Variants in ETV5 observed in about 807,000 individuals in gnomAD.
ETV5 encodes ETS translocation variant 5.
Under a neutral mutation model 70.0 loss-of-function variants are expected in ETV5, and 10 were observed. The observed-to-expected ratio is 0.14, with a 90% confidence interval of 0.09 to 0.24. The LOEUF (loss-of-function observed/expected upper bound fraction) is 0.24. Among genes scored for constraint, ETV5 ranks in the 10% least tolerant of loss-of-function variants. ETV5 has a pLI of 1.00. For synonymous variants in ETV5, 216 were observed against 242.2 expected (o/e 0.89, Z 1.01); for missense variants, 453 against 651.2 (o/e 0.70, Z 3.31).
Position 186,052,184 on chromosome 3 carries a change from G to A in ETV5, c.1210-53C>T. ...TGGAAACGCATTCCCTGGGCCCCAT[G>A]TTCTCTCCCAATCCCAGCAGAGCCA... On this transcript the variant is annotated intron_variant, in intron 11 of 12. Coordinates refer to ENST00000306376, the MANE Select transcript of ETV5 (RefSeq NM_004454.3). The surrounding 1 kb of genome is among the most constrained non-coding windows in gnomAD (Gnocchi z 4.5). The A allele has an allele frequency of 3.9e-6, 6 of 1,551,174 alleles. No homozygotes were observed. The highest frequency in any genetic ancestry group is 5.3e-6 in the Non-Finnish European group (6 of 1,124,428).
intron 5 of ETV5, among the ~76,000 whole-genome samples, chr3:186,096,177 G>A (rs1220653695): frequency 6.6e-6 from 1 of 152,142 alleles, no homozygotes; most frequent in East Asian, 1.9e-4. Context: ...AAAATGAAGA[G>A]GGAGTTGAGG....
rs1712938410 is a variant in ETV5, at chr3:186,048,605, G to C, written c.*34C>G. On this transcript the variant is annotated 3_prime_UTR_variant, in exon 13 of 13. Transcript: ENST00000306376. ...TTGTTTGCCTGAATGGGAACTGCTA[G>C]CTCTAGGGTTTGGCCACTCCGCCAC... 3 of 1,583,864 alleles carry C rather than the reference G, an allele frequency of 1.9e-6. No individual in the cohort carries two copies. Among genetic ancestry groups the C allele is most frequent in the South Asian group, 1.1e-5 (1 of 90,422 alleles).
At chr3:186,066,741 T>C (rs552884063) in intron 7 of ETV5, among the ~76,000 whole-genome samples, 2 of 152,342 alleles carry the variant, frequency 1.3e-5, no homozygotes, top group Non-Finnish European at 2.9e-5. Context: ...AAAATGATTC[T>C]AAACTTTATT....
chr3:186,057,210 C>G lies in ETV5; in HGVS notation c.1074G>C (p.Glu358Asp). The change falls in exon 11 of 13, where the codon GAG (glutamate) becomes GAC (aspartate). Residue 358 changes from glutamate to aspartate, a missense_variant. Physicochemically the swap from Glu to Asp is conservative, Grantham distance 45. Around this residue, in one of 4 missense-constraint regions of ETV5, gnomAD observed 25 missense variants for 114.3 expected, o/e 0.22. Transcript: ENST00000306376. This position sits in a 1 kb window ranked among gnomAD's most constrained non-coding sequence, Gnocchi z 4.9. ...AACCTCGCCTCTGGTAAGGGGGCCC[C>G]TCTCGATACATGGTAGGCTCCTGTT... ...KVKQEPTMYR[E>D]GPPYQRRGSL... The G allele has an allele frequency of 6.2e-7, 1 of 1,614,170 alleles. No homozygotes were observed. The highest frequency in any genetic ancestry group is 8.5e-7 in the Non-Finnish European group (1 of 1,180,026).
rs1712912761 is a variant in ETV5, at chr3:186,047,666, A to G, written c.*973T>C. The G allele has an allele frequency of 8.6e-6, 2 of 233,448 alleles. No individual in the cohort carries two copies. Among genetic ancestry groups the G allele is most frequent in the East Asian group, 1.2e-4 (2 of 16,554 alleles). The allele number at this position is 233,448 out of a possible 1,614,324, so 14.5% of individuals were successfully genotyped here. A position where few individuals can be genotyped will look rare whatever the true frequency, so the allele number is the denominator to read the frequency against. On this transcript the variant is annotated 3_prime_UTR_variant, in exon 13 of 13. Transcript: ENST00000306376. ...GTGCAGAAAGCACAAAGCAGGCAAC[A>G]AGGCGGGCTTTCACATGGCCAAGGG...
At chr3:186,071,581 A>G (rs572037706) in intron 7 of ETV5, among the ~76,000 whole-genome samples, 3 of 152,326 alleles carry the variant, frequency 2.0e-5, no homozygotes, top group African/African-American at 7.2e-5. Context: ...CGGCCCTGTT[A>G]TAACACTGGT....
At chr3:186,076,438 C>A in intron 7 of ETV5, 1 of 187,720 alleles carries the variant, frequency 5.3e-6, no homozygotes, top group Non-Finnish European at 1.1e-5. Context: ...GGTCCCCACT[C>A]CCAGGAGGTC....
chr3:186,071,541 A>G (rs189412990), intron 7 of ETV5, among the ~76,000 whole-genome samples: 1 of 152,352 alleles, frequency 6.6e-6, no homozygotes, highest in East Asian at 1.9e-4. Flanking sequence ...CCTTGTAAAG[A>G]TGATGTAAGA....
At chr3:186,066,423 G>A (rs1713448485) in intron 7 of ETV5, among the ~76,000 whole-genome samples, 1 of 152,042 alleles carries the variant, frequency 6.6e-6, no homozygotes, top group Non-Finnish European at 1.5e-5. Flanking sequence ...ATAAATGTTT[G>A]TTCACTAGTT....
intron 7 of ETV5, among the ~76,000 whole-genome samples, chr3:186,066,669 T>G (rs1391276901): frequency 6.6e-6 from 1 of 152,238 alleles, no homozygotes; most frequent in Non-Finnish European, 1.5e-5. Flanking sequence ...TTTAGGACTT[T>G]GAAGCTATTG....
intron 7 of ETV5, among the ~76,000 whole-genome samples, chr3:186,072,036 G>A (rs1472038613): frequency 6.8e-6 from 1 of 147,966 alleles, no homozygotes; most frequent in Non-Finnish European, 1.5e-5. Flanking sequence ...CTGACCTCAA[G>A]TGATCCACAC....
At chr3:186,069,574 G>A (rs987919990) in intron 7 of ETV5, among the ~76,000 whole-genome samples, 1 of 151,038 alleles carries the variant, frequency 6.6e-6, no homozygotes, top group East Asian at 1.9e-4. Flanking sequence ...CACCCAGGCT[G>A]GAGTGCAGTG....
At position 186,046,615 on chromosome 3, in the gene ETV5, T is replaced by C. The variant is rs1351962682; in HGVS notation, c.*2024A>G. The C allele has an allele frequency of 1.4e-5, 3 of 217,442 alleles. No individual in the cohort carries two copies. Among genetic ancestry groups the C allele is most frequent in the Non-Finnish European group, 2.6e-5 (3 of 114,112 alleles). 13.5% of individuals were successfully genotyped at this position (217,442 alleles called of 1,614,324 possible). On this transcript the variant is annotated 3_prime_UTR_variant, in exon 13 of 13. Transcript: ENST00000306376. ...CACGTAAGTTACAGCAGGGGAGGGG[T>C]AGCTCAAGCTACAGAGGATTATTGT...
chr3:186,058,700 T>TA (rs755874538), intron 9 of ETV5, among the ~76,000 whole-genome samples: 2 of 152,132 alleles, frequency 1.3e-5, no homozygotes, highest in Non-Finnish European at 2.9e-5. Context: ...CTATGTGGCT[T>TA]ATGGAGGAGT....
At chr3:186,074,859 C>CA (rs747453303) in intron 7 of ETV5, among the ~76,000 whole-genome samples, 12,718 of 68,654 alleles carry the variant, frequency 0.19, 520 homozygotes, top group East Asian at 0.45. Context: ...ACTCTGTCTC[C>CA]AAAAAAAAAA....
intron 7 of ETV5, among the ~76,000 whole-genome samples, chr3:186,078,504 T>C (rs1713851775): frequency 6.6e-6 from 1 of 152,188 alleles, no homozygotes; most frequent in African/African-American, 2.4e-5. Flanking sequence ...TGCAGAGGTG[T>C]TGTTTTTAAT....
chr3:186,104,384 A>G (rs1714538179), intron 5 of ETV5, among the ~76,000 whole-genome samples: 1 of 152,206 alleles, frequency 6.6e-6, no homozygotes, highest in Non-Finnish European at 1.5e-5. Flanking sequence ...AGTAATGAGC[A>G]CTTAGTGGCC....
intron 5 of ETV5, among the ~76,000 whole-genome samples, chr3:186,093,738 C>T (rs766027273): frequency 1.1e-4 from 16 of 152,346 alleles, no homozygotes; most frequent in Non-Finnish European, 1.5e-4. Flanking sequence ...TACCTCTTTA[C>T]TCCTTCCAGA....
intron 8 of ETV5, among the ~76,000 whole-genome samples, chr3:186,065,230 AG>A (rs1713412372): frequency 1.3e-5 from 2 of 152,192 alleles, no homozygotes; most frequent in Non-Finnish European, 2.9e-5. Context: ...TCTTGCTTTA[AG>A]GGAGTGGAGT....
Sources: allele counts gnomAD v4.1 joint callset (sites outside exome capture counted in the v4.1 genomes callset), GRCh38; gene constraint gnomAD v4.1.1; regional missense constraint gnomAD v4.1.1; non-coding constraint Gnocchi (gnomAD v3.1); transcripts MANE v1.5; gene names NCBI Gene and HGNC (gene_info 2026-07-23, HGNC 2026-07-21).